Variants in DNAJC6 observed in about 807,000 individuals in gnomAD.
The protein encoded by DNAJC6 is DnaJ heat shock protein family (Hsp40) member C6.
A neutral mutation model predicts 110.0 loss-of-function variants in DNAJC6; 34 were observed. The ratio of observed to expected loss-of-function variants is 0.31; its 90% CI spans 0.24 to 0.41. DNAJC6 has a LOEUF of 0.41. Ranked by LOEUF, DNAJC6 falls within the 10% of genes least tolerant of loss-of-function variation. The pLI is 1.00. For synonymous variants in DNAJC6, 406 were observed against 437.2 expected (o/e 0.93, Z 0.89); for missense variants, 1,031 against 1,207.8 (o/e 0.85, Z 2.17).
chr1:65,339,960 T>C (rs898761413), intron 1 of DNAJC6, among the ~76,000 whole-genome samples: 9 of 152,264 alleles, frequency 5.9e-5, no homozygotes, highest in African/African-American at 1.9e-4. Flanking sequence ...CCTTGCCTTG[T>C]AGCATTAATA....
intron 1 of DNAJC6, among the ~76,000 whole-genome samples, chr1:65,339,583 A>G (rs1479247119): frequency 6.6e-6 from 1 of 152,214 alleles, no homozygotes; most frequent in Non-Finnish European, 1.5e-5. Context: ...GAATACTACT[A>G]CTACCACTAC....
rs1205724869 is a variant in DNAJC6, at chr1:65,413,107, C to G, written c.*82C>G. The G allele has an allele frequency of 1.7e-6, 2 of 1,155,628 alleles. No homozygotes were observed. Among genetic ancestry groups the G allele is most frequent in the African/African-American group, 3.1e-5 (2 of 64,274 alleles). The allele number at this position is 1,155,628 out of a possible 1,614,324, so 71.6% of individuals were successfully genotyped here. On this transcript the variant is annotated 3_prime_UTR_variant, in exon 19 of 19. Coordinates refer to ENST00000371069, the MANE Select transcript of DNAJC6 (RefSeq NM_001256864.2). ...AATTCTGAGGTTTTCGCAGATGAAC[C>G]AAAAACTCCAGTAACATGTTTTCAG...
At chr1:65,334,360 C>T (rs1368945752) in intron 1 of DNAJC6, among the ~76,000 whole-genome samples, 3 of 152,186 alleles carry the variant, frequency 2.0e-5, no homozygotes, top group Non-Finnish European at 4.4e-5. Context: ...AGCAAAAATA[C>T]TCTTGAGACA....
Position 65,392,746 on chromosome 1 carries a change from A to G in DNAJC6, c.1784A>G (p.Gln595Arg), listed in dbSNP as rs757424162. 8.7e-6 allele frequency: 14 copies of G among 1,613,206 alleles called. No individual in the cohort carries two copies. The highest frequency in any genetic ancestry group is 1.7e-4 in the Middle Eastern group (1 of 6,048). ...FGGGGAAGPT[Q>R]AGQSGVEDVF... Reference sequence around the variant, plus strand: ...GGTGGAGGTGCAGCTGGTCCCACCCAGGCTGGACAGTCAGGAGTGGAAGAT... The same window carrying G: ...GGTGGAGGTGCAGCTGGTCCCACCCGGGCTGGACAGTCAGGAGTGGAAGAT... The change falls in exon 12 of 19, where the codon CAG (glutamine) becomes CGG (arginine). Residue 595 changes from glutamine (Q) to arginine (R), a missense_variant. Gln to Arg is a conservative substitution (Grantham distance 43, BLOSUM62 1). Coordinates refer to ENST00000371069, the MANE Select transcript of DNAJC6 (RefSeq NM_001256864.2).
At chr1:65,309,499 G>A, upstream of DNAJC6, 3 of 820,706 alleles carry the variant, frequency 3.7e-6, no homozygotes, top group Non-Finnish European at 4.6e-6. Context: ...GCGCGCCCCC[G>A]CCCGGCCGCG....
chr1:65,302,010 A>G (rs1644984055), intron 1 of DNAJC6, among the ~76,000 whole-genome samples: 1 of 150,044 alleles, frequency 6.7e-6, no homozygotes, highest in Admixed American at 6.7e-5. Flanking sequence ...AGAAAGAGAA[A>G]GAGGTTTTGT....
intron 1 of DNAJC6, among the ~76,000 whole-genome samples, chr1:65,335,199 G>A (rs953621761): frequency 1.9e-4 from 28 of 151,242 alleles, no homozygotes; most frequent in African/African-American, 5.1e-4. Context: ...CCTCCACCTC[G>A]CGGGTTCAAG....
At chr1:65,325,097 G>A (rs560340914) in intron 1 of DNAJC6, among the ~76,000 whole-genome samples, 4 of 152,270 alleles carry the variant, frequency 2.6e-5, no homozygotes, top group African/African-American at 4.8e-5. Context: ...GGAAGATGGC[G>A]TGGAAAGCAT....
chr1:65,318,241 G>A (rs903860909), intron 1 of DNAJC6, among the ~76,000 whole-genome samples: 3 of 151,798 alleles, frequency 2.0e-5, no homozygotes, highest in Non-Finnish European at 4.4e-5. Flanking sequence ...TTAAAAATCA[G>A]AATAAAATAA....
chr1:65,281,860 G>A (rs1402839697), intron 1 of DNAJC6, among the ~76,000 whole-genome samples: 2 of 151,978 alleles, frequency 1.3e-5, no homozygotes, highest in African/African-American at 2.4e-5. Context: ...CACCCACCTC[G>A]GCCTCCCAAA....
chr1:65,374,975 ATT>A, intron 4 of DNAJC6, among the ~76,000 whole-genome samples: 1 of 143,284 alleles, frequency 7.0e-6, no homozygotes, highest in East Asian at 2.1e-4. Context: ...TTTTCTGAGG[ATT>A]TTTTTTTTTT....
intron 1 of DNAJC6, among the ~76,000 whole-genome samples, chr1:65,315,549 TA>T (rs1314256241): frequency 6.6e-6 from 1 of 152,190 alleles, no homozygotes; most frequent in Non-Finnish European, 1.5e-5. Context: ...AGAATTATAA[TA>T]AAATACAAAT....
intron 11 of DNAJC6, among the ~76,000 whole-genome samples, chr1:65,391,921 G>T (rs1645931115): frequency 1.3e-5 from 2 of 152,018 alleles, no homozygotes; most frequent in Non-Finnish European, 1.5e-5. Flanking sequence ...GGGATTACAG[G>T]CACACGCCAC....
intron 13 of DNAJC6, among the ~76,000 whole-genome samples, chr1:65,398,061 T>G (rs1016892737): frequency 2.6e-5 from 4 of 152,228 alleles, no homozygotes; most frequent in African/African-American, 9.6e-5. Context: ...GTTTCCTATA[T>G]AGATTTTATA....
intron 17 of DNAJC6, among the ~76,000 whole-genome samples, chr1:65,410,741 C>G (rs1646120807): frequency 6.6e-6 from 1 of 152,104 alleles, no homozygotes; most frequent in African/African-American, 2.4e-5. Flanking sequence ...TGTTCTGCAC[C>G]AGGTTACTTA....
At chr1:65,306,201 C>T (rs527430275), upstream of DNAJC6, among the ~76,000 whole-genome samples, 5 of 151,896 alleles carry the variant, frequency 3.3e-5, no homozygotes, top group South Asian at 1.0e-3. Flanking sequence ...GTGCCTGCCA[C>T]CACGCCTGGT....
At chr1:65,393,539 A>G (rs1013218307) in intron 12 of DNAJC6, among the ~76,000 whole-genome samples, 1 of 152,220 alleles carries the variant, frequency 6.6e-6, no homozygotes, top group South Asian at 2.1e-4. Context: ...AGAACAGAGC[A>G]GTTGGTACTA....
Position 65,335,305 on chromosome 1 carries a change from G to A in DNAJC6, c.193+25367G>A, listed in dbSNP as rs1322562762. On this transcript the variant is annotated intron_variant, in intron 1 of 18. Coordinates refer to ENST00000371069, the MANE Select transcript of DNAJC6 (RefSeq NM_001256864.2). ...TTTTTTTTTGTATTTTTAGTAAGAC[G>A]GGGTTTCACCACGTTAGCCATGATG... is the stretch of plus-strand genomic sequence containing the variant. Among the ~76,000 whole-genome samples, 8 of 149,924 alleles carry A rather than the reference G, an allele frequency of 5.3e-5. No homozygotes were observed. The East Asian group carries it at 7.9e-4, about 15-fold the overall frequency.
At chr1:65,371,018 C>A (rs181950996) in intron 4 of DNAJC6, among the ~76,000 whole-genome samples, 1 of 152,122 alleles carries the variant, frequency 6.6e-6, no homozygotes, top group Non-Finnish European at 1.5e-5. Context: ...AAAAAACAAT[C>A]CCTGGCCTGG....
Sources: gnomAD v4.1 joint callset for allele counts (sites outside exome capture counted in the v4.1 genomes callset) on GRCh38, gnomAD v4.1.1 for gene constraint, MANE v1.5 for transcripts, NCBI Gene and HGNC (gene_info 2026-07-23, HGNC 2026-07-21) for gene names.